Variants in MMEL1 observed in about 807,000 individuals in gnomAD.
MMEL1 encodes the protein membrane metalloendopeptidase like 1.
Under a neutral mutation model 117.1 loss-of-function variants are expected in MMEL1, and 98 were observed. That is an observed-to-expected ratio of 0.84 (90% CI 0.71 to 0.99). The LOEUF (loss-of-function observed/expected upper bound fraction) is 0.99, where lower values mean the gene tolerates loss of function less well. MMEL1 is among the 50% of genes least tolerant of loss of function. The pLI is 0.00. For missense variants in MMEL1, 1,014 were observed against 1,049.1 expected (o/e 0.97, Z 0.46); for synonymous variants, 390 against 415.1 (o/e 0.94, Z 0.74).
At chr1:2,625,249 A>G (rs1041519481) in intron 2 of MMEL1, among the ~76,000 whole-genome samples, 9 of 152,156 alleles carry the variant, frequency 5.9e-5, no homozygotes, top group African/African-American at 4.8e-5. Flanking sequence ...TCCGAGTCCA[A>G]AGTTTCATCT....
In MMEL1 at chr1:2,607,046, G is replaced by A. The variant is rs1645040498; in HGVS notation, c.559C>T (p.Gln187Ter). 4 of 1,613,300 alleles carry A rather than the reference G, an allele frequency of 2.5e-6. No individual in the cohort carries two copies. The highest frequency in any genetic ancestry group is 3.4e-6 in the Non-Finnish European group (4 of 1,179,966). Residue 187 changes from glutamine (Q) to a stop codon, truncating the protein, a stop_gained, in exon 7 of 24, where the codon CAG (glutamine) becomes TAG (stop). Transcript: ENST00000378412. LOFTEE classifies it high-confidence loss of function. ...NQSVIEKRGS[Q>*]PLLDILEVVG... Reference sequence around the variant, plus strand: ...ACCTCCAAGATGTCCAGCAGGGGCTGAGAGCCTCGCTTCTCTATCACACCT... The same window carrying A: ...ACCTCCAAGATGTCCAGCAGGGGCTAAGAGCCTCGCTTCTCTATCACACCT...
At chr1:2,606,097 G>A (rs1206409392) in intron 8 of MMEL1, 151 bp downstream of exon 8, 4 of 645,158 alleles carry the variant, frequency 6.2e-6, no homozygotes, top group East Asian at 5.2e-5. Context: ...GCTCGTTCCC[G>A]GGCCCACGGA....
rs1385662029 is a variant in MMEL1, at chr1:2,612,519, G to T, written c.155-315C>A. 6.6e-6 allele frequency among the ~76,000 whole-genome samples: 1 copy of T among 152,138 alleles called. No individual in the cohort carries two copies. The highest frequency in any genetic ancestry group is 1.5e-5 in the Non-Finnish European group (1 of 68,016). On this transcript the variant is annotated intron_variant, in intron 2 of 23. Transcript: ENST00000378412. The surrounding 1 kb of genome is among the most constrained non-coding windows in gnomAD (Gnocchi z 5.4). ...AGGGCCTAGAGGGGTCCTGAGGTGA[G>T]ACCTTCCTCTTCCCGACAGCCTCCT...
rs1223504029 is a variant in MMEL1 at position 2,609,430 on chromosome 1, A to T, written c.455-11T>A. The T allele has an allele frequency of 3.1e-6, 5 of 1,607,536 alleles. No individual in the cohort carries two copies. In the East Asian group the frequency reaches 1.1e-4, roughly 36 times the overall value. On this transcript the variant is annotated splice_polypyrimidine_tract_variant and intron_variant, in intron 5 of 23. Transcript: ENST00000378412. ...AATTCTCCAGCACCGCTGTGGGCAC[A>T]GGAAAAGGTTGGACAGAGGCCTGAC...
At chr1:2,609,855 C>T in intron 4 of MMEL1, 24 bp from the exon 5 acceptor site, 1 of 1,587,966 alleles carries the variant, frequency 6.3e-7, no homozygotes, top group Non-Finnish European at 8.6e-7. Context: ...TGGCGTGGAG[C>T]AGGGAGAGGG....
In MMEL1 at chr1:2,595,151, C is replaced by T. The variant is rs948297383; in HGVS notation, c.1584+125G>A. 1.7e-5 allele frequency: 15 copies of T among 858,644 alleles called. No individual in the cohort carries two copies. Among genetic ancestry groups the T allele is most frequent in the Admixed American group, 9.6e-5 (4 of 41,782 alleles). 53.2% of individuals were successfully genotyped at this position (858,644 alleles called of 1,614,324 possible). On this transcript the variant is annotated intron_variant, in intron 16 of 23. Coordinates refer to ENST00000378412, the MANE Select transcript of MMEL1 (RefSeq NM_033467.4). The surrounding 1 kb of genome is among the most constrained non-coding windows in gnomAD (Gnocchi z 4.8). ...GTGCTGGAGCCACCACCCTAGGGCA[C>T]GGTGAGGACAGCTGTGTTAGCGCCT...
At chr1:2,604,999 G>T (rs1170621305) in intron 9 of MMEL1, among the ~76,000 whole-genome samples, 1 of 152,190 alleles carries the variant, frequency 6.6e-6, no homozygotes, top group African/African-American at 2.4e-5. Context: ...CCTGGATTGT[G>T]TCTGGCCCTC....
chr1:2,613,444 C>A (rs1369350652), intron 2 of MMEL1, among the ~76,000 whole-genome samples: 1 of 152,064 alleles, frequency 6.6e-6, no homozygotes, highest in African/African-American at 2.4e-5. Context: ...AAAGTGGTGA[C>A]AAGGAGGGCA....
intron 21 of MMEL1, 135 bp from the exon 22 acceptor site, chr1:2,592,162 A>G (rs920609941): frequency 1.4e-6 from 1 of 695,014 alleles, no homozygotes; most frequent in South Asian, 1.8e-5. Flanking sequence ...GGCCCTTCAC[A>G]CACCCCACGG....
chr1:2,624,393 C>A (rs1645337574), intron 2 of MMEL1, among the ~76,000 whole-genome samples: 1 of 152,214 alleles, frequency 6.6e-6, no homozygotes, highest in Non-Finnish European at 1.5e-5. Context: ...AGCCAGCTAA[C>A]TCCTAACCAG....
In MMEL1 at chr1:2,629,347, G is replaced by A. The variant is rs753110964; in HGVS notation, c.138C>T (p.Leu46=). The change falls in exon 2 of 24, where the codon CTC becomes CTT. Residue 46 remains leucine (L), a synonymous_variant. Transcript: ENST00000378412. ...VTAALVALGV[L]YADRRGKQLP... ...CGCACTCACCTCTGCGGTCGGCGTA[G>A]AGGACACCCAAGGCCACCAGGGCAG... 25 of 1,541,694 alleles carry A rather than the reference G, an allele frequency of 1.6e-5. No individual in the cohort carries two copies. In the East Asian group the frequency reaches 5.4e-4, roughly 33 times the overall value.
At chr1:2,609,196 A>C (rs1645085119) in intron 6 of MMEL1, 143 bp downstream of exon 6, 1 of 780,110 alleles carries the variant, frequency 1.3e-6, no homozygotes, top group Non-Finnish European at 2.1e-6. Flanking sequence ...GGGACACAGC[A>C]CATAGACCCT....
chr1:2,617,855 G>C (rs1313484184), intron 2 of MMEL1, among the ~76,000 whole-genome samples: 1 of 152,174 alleles, frequency 6.6e-6, no homozygotes, highest in African/African-American at 2.4e-5. Context: ...CACAGTCAAT[G>C]ATCTCTCCAA....
chr1:2,604,359 T>G (rs962590428), intron 9 of MMEL1, 78 bp from the exon 10 acceptor site: 158 of 1,575,944 alleles, frequency 1.0e-4, no homozygotes, highest in Admixed American at 2.6e-4. Flanking sequence ...GGGGGTGGGG[T>G]GGGCGTAGGA....
At chr1:2,597,037 G>C (rs1231411832) in intron 13 of MMEL1, among the ~76,000 whole-genome samples, 2 of 152,080 alleles carry the variant, frequency 1.3e-5, no homozygotes, top group African/African-American at 4.8e-5. Flanking sequence ...GCTGACCCCA[G>C]AGCAAGGCCT....
chr1:2,601,014 C>CT (rs34791736), intron 11 of MMEL1, among the ~76,000 whole-genome samples: 89,040 of 151,916 alleles, frequency 0.59, 27,074 homozygotes, highest in Non-Finnish European at 0.68. Context: ...ATTGCAAAGT[C>CT]TCCCCAAATT....
Position 2,595,259 on chromosome 1 carries a change from TG to T in MMEL1, c.1584+16del. 6.2e-7 allele frequency: 1 copy of T among 1,611,066 alleles called. No homozygotes were observed. Among genetic ancestry groups the T allele is most frequent in the Non-Finnish European group, 8.5e-7 (1 of 1,178,160 alleles). Reference sequence around the variant, plus strand: ...CACGGTGTGGGGGGCAGTTTAGGGCTGGGGTTGGGGGCGCACATTGGAGTAC... The same window carrying T: ...CACGGTGTGGGGGGCAGTTTAGGGCTGGGTTGGGGGCGCACATTGGAGTAC... On this transcript the variant is annotated intron_variant, in intron 16 of 23. Coordinates refer to ENST00000378412, the MANE Select transcript of MMEL1 (RefSeq NM_033467.4). This position sits in a 1 kb window ranked among gnomAD's most constrained non-coding sequence, Gnocchi z 4.8.
At chr1:2,597,772 G>A (rs889128337) in intron 13 of MMEL1, among the ~76,000 whole-genome samples, 5 of 152,170 alleles carry the variant, frequency 3.3e-5, no homozygotes, top group African/African-American at 1.2e-4. Context: ...AATCCAAACC[G>A]GCTGCTGTGG....
intron 2 of MMEL1, among the ~76,000 whole-genome samples, chr1:2,627,821 T>TG (rs1638342960): frequency 6.6e-6 from 1 of 151,622 alleles, no homozygotes; most frequent in Non-Finnish European, 1.5e-5. Flanking sequence ...TCATTCCTGG[T>TG]GGGGGGTCTT....
Sources: allele counts gnomAD v4.1 joint callset (sites outside exome capture counted in the v4.1 genomes callset), GRCh38; gene constraint gnomAD v4.1.1; non-coding constraint Gnocchi (gnomAD v3.1); transcripts MANE v1.5; gene names NCBI Gene and HGNC (gene_info 2026-07-23, HGNC 2026-07-21).